Variants in BABAM2 observed in about 807,000 individuals in gnomAD.
The protein encoded by BABAM2 is BRISC and BRCA1-A complex member 2.
Under a neutral mutation model 54.7 loss-of-function variants are expected in BABAM2, and 31 were observed. The observed-to-expected ratio is 0.57, with a 90% CI of 0.43 to 0.77. BABAM2 has a LOEUF of 0.77. BABAM2 is among the 30% of genes least tolerant of loss of function. BABAM2 has a pLI of 0.00. For missense variants in BABAM2, 364 were observed against 455.8 expected, an observed-to-expected ratio of 0.80 and a Z score of 1.83; for synonymous variants, 167 against 162.9, an observed-to-expected ratio of 1.03 and a Z score of -0.19.
chr2:28,273,696 G>A (rs1419161584), intron 10 of BABAM2, among the ~76,000 whole-genome samples: 1 of 152,098 alleles, frequency 6.6e-6, no homozygotes, highest in Non-Finnish European at 1.5e-5. Context: ...TCCAGCCTGG[G>A]CAACAGAGCA....
intron 6 of BABAM2, among the ~76,000 whole-genome samples, chr2:28,074,003 A>ACAT (rs966448292): frequency 7.3e-5 from 11 of 150,776 alleles, no homozygotes; most frequent in African/African-American, 2.5e-4. Context: ...ATATATTTAC[A>ACAT]CATATATACA....
At chr2:28,063,791 G>C (rs1340018510) in intron 6 of BABAM2, among the ~76,000 whole-genome samples, 1 of 152,088 alleles carries the variant, frequency 6.6e-6, no homozygotes, top group Non-Finnish European at 1.5e-5. Context: ...TTTTTTATGT[G>C]AGTATGATTT....
At chr2:28,009,545 G>A (rs1558654172) in intron 4 of BABAM2, among the ~76,000 whole-genome samples, 1 of 152,070 alleles carries the variant, frequency 6.6e-6, no homozygotes, top group South Asian at 2.1e-4. Context: ...CACTTCATTG[G>A]AGAGAGTATG....
chr2:28,082,185 C>A (rs1665234315), intron 6 of BABAM2, among the ~76,000 whole-genome samples: 2 of 152,164 alleles, frequency 1.3e-5, no homozygotes, highest in African/African-American at 4.8e-5. Flanking sequence ...AAGAGCAATT[C>A]TTTTTCAGCG....
rs149565616 is a variant in BABAM2, at chr2:28,307,877, T to A, written c.1088+9386T>A. On this transcript the variant is annotated intron_variant, in intron 11 of 11. Transcript: ENST00000379624. Reference sequence around the variant, plus strand: ...CATCAGAGTGACCATATCCAGCCTATAGGCAGAGGACATTGAAATTGGCAG... The same window carrying A: ...CATCAGAGTGACCATATCCAGCCTAAAGGCAGAGGACATTGAAATTGGCAG... 4 of 152,248 alleles carry A rather than the reference T, an allele frequency of 2.6e-5. No homozygotes were observed. In the East Asian group the frequency reaches 7.7e-4, roughly 29 times the overall value. 9.4% of individuals were successfully genotyped at this position (152,248 alleles called of 1,614,324 possible).
intron 4 of BABAM2, among the ~76,000 whole-genome samples, chr2:27,997,513 A>G (rs1673251318): frequency 6.6e-6 from 1 of 152,212 alleles, no homozygotes; most frequent in Non-Finnish European, 1.5e-5. Context: ...TTATGATTTC[A>G]TCTGTTTTCT....
intron 9 of BABAM2, among the ~76,000 whole-genome samples, chr2:28,243,244 C>A (rs1409027288): frequency 1.3e-5 from 2 of 151,928 alleles, no homozygotes; most frequent in Non-Finnish European, 2.9e-5. Flanking sequence ...ATTATAAATT[C>A]ATAGAGAGGC....
intron 3 of BABAM2, among the ~76,000 whole-genome samples, chr2:27,941,016 A>G (rs1267138647): frequency 6.6e-6 from 1 of 152,186 alleles, no homozygotes; most frequent in African/African-American, 2.4e-5. Flanking sequence ...CAAGGCCACC[A>G]GAGAGGTTGT....
intron 3 of BABAM2, among the ~76,000 whole-genome samples, chr2:27,931,028 A>G (rs1252976415): frequency 6.6e-6 from 1 of 152,246 alleles, no homozygotes; most frequent in Admixed American, 6.5e-5. Context: ...ATGTCTCTGT[A>G]TAGTATTTTG....
chr2:28,163,642 CA>C (rs1673326833), intron 7 of BABAM2, among the ~76,000 whole-genome samples: 1 of 152,140 alleles, frequency 6.6e-6, no homozygotes, highest in Non-Finnish European at 1.5e-5. Flanking sequence ...GATGATAGAG[CA>C]AGAGAAGTTG....
At chr2:28,317,078 C>T (rs747838567) in intron 11 of BABAM2, among the ~76,000 whole-genome samples, 2 of 152,094 alleles carry the variant, frequency 1.3e-5, no homozygotes, top group Admixed American at 1.3e-4. Flanking sequence ...TCGGCACTGC[C>T]GTGCTCAGCT....
intron 2 of BABAM2, 141 bp from the exon 3 acceptor site, chr2:27,929,691 G>A: frequency 1.5e-6 from 1 of 674,098 alleles, no homozygotes; most frequent in Non-Finnish European, 2.4e-6. Context: ...GACTATTAAA[G>A]GCTTTTATTT....
intron 6 of BABAM2, among the ~76,000 whole-genome samples, chr2:28,062,756 G>A (rs1034946279): frequency 6.6e-5 from 10 of 152,062 alleles, no homozygotes; most frequent in Non-Finnish European, 1.2e-4. Flanking sequence ...AGCATCTAGG[G>A]CTTAGTATCA....
intron 7 of BABAM2, among the ~76,000 whole-genome samples, chr2:28,160,563 CT>C (rs564771293): frequency 6.2e-4 from 95 of 152,024 alleles, no homozygotes; most frequent in Non-Finnish European, 1.1e-3. Flanking sequence ...ACAAATATGG[CT>C]TTTTTTGTAT....
At chr2:28,291,969 A>G (rs1052481345) in intron 10 of BABAM2, among the ~76,000 whole-genome samples, 2 of 152,246 alleles carry the variant, frequency 1.3e-5, no homozygotes, top group Non-Finnish European at 2.9e-5. Context: ...CTCAGGAACA[A>G]TCAGCCTCAA....
intron 3 of BABAM2, among the ~76,000 whole-genome samples, chr2:27,981,525 T>G (rs751367072): frequency 1.3e-5 from 2 of 152,124 alleles, no homozygotes; most frequent in African/African-American, 2.4e-5. Flanking sequence ...CTGTTCCCCA[T>G]TGTCTGGCAA....
chr2:28,244,637 C>A, intron 9 of BABAM2, 143 bp from the exon 10 acceptor site: 3 of 676,884 alleles, frequency 4.4e-6, no homozygotes, highest in Non-Finnish European at 7.4e-6. Context: ...GCCCTTCCTG[C>A]ATTAATCCTC....
intron 3 of BABAM2, among the ~76,000 whole-genome samples, chr2:27,954,197 C>T (rs1471833576): frequency 2.0e-5 from 3 of 152,198 alleles, no homozygotes; most frequent in African/African-American, 7.2e-5. Flanking sequence ...GGAGAAATGC[C>T]AGCTTGCCAC....
intron 6 of BABAM2, among the ~76,000 whole-genome samples, chr2:28,058,501 A>G (rs998764738): frequency 6.6e-6 from 1 of 151,830 alleles, no homozygotes; most frequent in Non-Finnish European, 1.5e-5. Flanking sequence ...AAAACTTAAT[A>G]TCAAGGCTTC....
Sources: allele counts gnomAD v4.1 joint callset (sites outside exome capture counted in the v4.1 genomes callset), GRCh38; gene constraint gnomAD v4.1.1; transcripts MANE v1.5; gene names NCBI Gene and HGNC (gene_info 2026-07-23, HGNC 2026-07-21).